Variants in PAN3 observed in about 807,000 individuals in gnomAD.
The protein encoded by PAN3 is poly(A) specific ribonuclease subunit PAN3.
A neutral mutation model predicts 96.2 loss-of-function variants in PAN3; 19 were observed. The observed-to-expected ratio is 0.20, with a 90% CI of 0.14 to 0.29. The LOEUF is 0.29. PAN3 is among the 10% of genes least tolerant of loss of function. The pLI is 1.00. For synonymous variants in PAN3, 433 were observed against 406.6 expected (o/e 1.06, Z -0.78); for missense variants, 882 against 1,108.1 (o/e 0.80, Z 2.90).
At chr13:28,201,414 C>T (rs1034576700) in intron 5 of PAN3, among the ~76,000 whole-genome samples, 115 of 151,978 alleles carry the variant, frequency 7.6e-4, no homozygotes, top group African/African-American at 2.5e-3. Flanking sequence ...GGCATGGTGG[C>T]GGGTGCCTGT....
intron 6 of PAN3, among the ~76,000 whole-genome samples, chr13:28,244,198 G>T (rs778291653): frequency 3.7e-4 from 56 of 152,100 alleles, no homozygotes; most frequent in Admixed American, 2.9e-3. Flanking sequence ...AGTGTTGCAG[G>T]TATCTTTTTT....
chr13:28,211,362 T>A (rs1880009148), intron 5 of PAN3, among the ~76,000 whole-genome samples: 1 of 152,198 alleles, frequency 6.6e-6, no homozygotes, highest in Non-Finnish European at 1.5e-5. Flanking sequence ...TGGATAGAAA[T>A]AATTGTATTG....
chr13:28,220,055 A>G (rs1372550565), intron 5 of PAN3, among the ~76,000 whole-genome samples, 176 bp from the exon 6 acceptor site: 1 of 152,214 alleles, frequency 6.6e-6, no homozygotes, highest in Non-Finnish European at 1.5e-5. Context: ...TGATGATCAG[A>G]TTTCCTTTAA....
intron 5 of PAN3, among the ~76,000 whole-genome samples, chr13:28,202,019 TC>T (rs1431391948): frequency 6.6e-6 from 1 of 152,190 alleles, no homozygotes; most frequent in African/African-American, 2.4e-5. Flanking sequence ...GACTAAATAT[TC>T]CTTCCTTGCC....
chr13:28,201,505 C>T (rs866754065), intron 5 of PAN3, among the ~76,000 whole-genome samples: 13 of 151,906 alleles, frequency 8.6e-5, no homozygotes, highest in African/African-American at 1.7e-4. Flanking sequence ...GAGATTGTGT[C>T]GCTGCACTCC....
chr13:28,219,329 T>C (rs1219449379), intron 5 of PAN3, among the ~76,000 whole-genome samples: 1 of 152,154 alleles, frequency 6.6e-6, no homozygotes, highest in Non-Finnish European at 1.5e-5. Flanking sequence ...TTTATTTAAC[T>C]TTAGCTGGCA....
chr13:28,158,192 A>G (rs1872463473), intron 1 of PAN3, among the ~76,000 whole-genome samples: 1 of 152,232 alleles, frequency 6.6e-6, no homozygotes, highest in Non-Finnish European at 1.5e-5. Context: ...TATACAAAAA[A>G]TTAACTCATG....
Position 28,155,531 on chromosome 13 carries a change from A to G in PAN3, c.430+16444A>G, listed in dbSNP as rs528380388. On this transcript the variant is annotated intron_variant, in intron 1 of 18. Coordinates refer to ENST00000380958, the MANE Select transcript of PAN3 (RefSeq NM_175854.8). The stretch of plus-strand genomic sequence containing the variant: ...ATGACCCCGGGAGGTGGAGGCTGCA[A>G]TGAGCTGAGATGGCACCAGTGCGCT... Among the ~76,000 whole-genome samples the G allele has an allele frequency of 1.2e-4, 18 of 152,252 alleles. No individual in the cohort carries two copies. The East Asian group carries it at 2.1e-3, about 18-fold the overall frequency.
At chr13:28,275,487 C>A (rs1294447612) in intron 14 of PAN3, among the ~76,000 whole-genome samples, 2 of 152,132 alleles carry the variant, frequency 1.3e-5, no homozygotes, top group African/African-American at 2.4e-5. Context: ...GTGTTGGTAC[C>A]TGCTGCTCAA....
chr13:28,261,421 A>G lies in PAN3; in HGVS notation c.1374A>G (p.Leu458=), dbSNP rs750601871. 9.9e-6 allele frequency: 16 copies of G among 1,609,866 alleles called. No individual in the cohort carries two copies. Among genetic ancestry groups the G allele is most frequent in the Non-Finnish European group, 1.2e-5 (14 of 1,177,646 alleles). The change falls in exon 9 of 19, where the codon TTA becomes TTG. Residue 458 remains leucine, a synonymous_variant. Transcript: ENST00000380958. ...CATAGGAGCTGATCAACAGACATTT[A>G]ATAACAATGGCTCAAATTGATCAAG... ...ELRQELINRH[L]ITMAQIDQAD... is the part of the protein sequence containing the mutation.
chr13:28,267,020 A>AT (rs1351737141), intron 10 of PAN3, 75 bp from the exon 11 acceptor site: 9 of 1,406,362 alleles, frequency 6.4e-6, no homozygotes, highest in African/African-American at 2.9e-5. Flanking sequence ...AAATATGGCA[A>AT]TTTTTTTCCA....
At chr13:28,142,865 A>G (rs1477218250) in intron 1 of PAN3, among the ~76,000 whole-genome samples, 1 of 152,148 alleles carries the variant, frequency 6.6e-6, no homozygotes. Context: ...CCCTAACTGG[A>G]TGACTTTTAT....
At chr13:28,168,076 G>A (rs959728010) in intron 1 of PAN3, among the ~76,000 whole-genome samples, 1 of 152,134 alleles carries the variant, frequency 6.6e-6, no homozygotes, top group Non-Finnish European at 1.5e-5. Flanking sequence ...TCCCACTTCA[G>A]TAATATCACA....
In PAN3 at chr13:28,280,792, C is replaced by T. The variant is rs934904613; in HGVS notation, c.2319+251C>T. On this transcript the variant is annotated intron_variant, in intron 16 of 18. Transcript: ENST00000380958. ...GCCAGGCTGGTCTTGAGCTCCTGAG[C>T]TCAAGTGATCCGCCCGCCTCAGCCT... is the stretch of plus-strand genomic sequence containing the variant. 1.4e-4 allele frequency among the ~76,000 whole-genome samples: 21 copies of T among 151,774 alleles called. No homozygotes were observed. The East Asian group carries it at 3.1e-3, about 23-fold the overall frequency.
At chr13:28,182,482 T>C (rs1875921981) in intron 4 of PAN3, among the ~76,000 whole-genome samples, 1 of 152,240 alleles carries the variant, frequency 6.6e-6, no homozygotes, top group African/African-American at 2.4e-5. Context: ...ATGTGGATAT[T>C]TGTATTATAT....
chr13:28,168,451 G>A (rs1430492457), intron 1 of PAN3, among the ~76,000 whole-genome samples: 1 of 152,210 alleles, frequency 6.6e-6, no homozygotes, highest in Non-Finnish European at 1.5e-5. Flanking sequence ...GGGCACAGTG[G>A]CTCATGCCTA....
At chr13:28,204,125 A>AT (rs1457887523) in intron 5 of PAN3, among the ~76,000 whole-genome samples, 1 of 151,790 alleles carries the variant, frequency 6.6e-6, no homozygotes, top group Non-Finnish European at 1.5e-5. Flanking sequence ...TCTGTTTTAT[A>AT]TTTTTTTCAT....
At chr13:28,238,196 C>T (rs1883276432) in intron 6 of PAN3, among the ~76,000 whole-genome samples, 1 of 152,174 alleles carries the variant, frequency 6.6e-6, no homozygotes, top group African/African-American at 2.4e-5. Flanking sequence ...TGGAAGGCTG[C>T]AGCACTTTTC....
intron 6 of PAN3, among the ~76,000 whole-genome samples, chr13:28,253,116 T>A (rs1884870525): frequency 6.6e-6 from 1 of 152,216 alleles, no homozygotes; most frequent in Non-Finnish European, 1.5e-5. Context: ...CCTGAAACCC[T>A]TTTAGCGTAA....
Sources: gnomAD v4.1 joint callset for allele counts (sites outside exome capture counted in the v4.1 genomes callset) on GRCh38, gnomAD v4.1.1 for gene constraint, MANE v1.5 for transcripts, NCBI Gene and HGNC (gene_info 2026-07-23, HGNC 2026-07-21) for gene names.